LHFPL3: variants seen among roughly 807,000 people sequenced by gnomAD.
LHFPL3 encodes LHFPL tetraspan subfamily member 3 protein.
A neutral mutation model predicts 19.3 loss-of-function variants in LHFPL3; 5 were observed. The ratio of observed to expected loss-of-function variants is 0.26; its 90% CI spans 0.14 to 0.54. The LOEUF is 0.54. LHFPL3 is among the 20% of genes least tolerant of loss of function. The pLI is 0.94. For synonymous variants in LHFPL3, 133 were observed against 126.2 expected (o/e 1.05, Z -0.36); for missense variants, 249 against 307.4 (o/e 0.81, Z 1.42).
In LHFPL3 at chr7:104,489,169, A is replaced by G. The variant is rs1441994198; in HGVS notation, c.445+159945A>G. 5.2e-4 allele frequency among the ~76,000 whole-genome samples: 15 copies of G among 29,052 alleles called. 3 individuals carry two copies. Among genetic ancestry groups the G allele is most frequent in the South Asian group, 7.3e-4 (1 of 1,364 alleles). 19.1% of individuals were successfully genotyped at this position (29,052 alleles called of 152,430 possible). A position where few individuals can be genotyped will look rare whatever the true frequency, so the allele number is the denominator to read the frequency against. ...GGGATCTCGGCTCATTGCAAGCTCC[A>G]CCTCCCGGGTTCACGCCATTCTCCT... On this transcript the variant is annotated intron_variant, in intron 1 of 2. Transcript: ENST00000424859.
intron 2 of LHFPL3, among the ~76,000 whole-genome samples, chr7:104,830,644 G>C (rs927413576): frequency 4.6e-5 from 7 of 152,022 alleles, no homozygotes; most frequent in Non-Finnish European, 7.4e-5. Context: ...GATGGTTGTA[G>C]ACAAGTGGCA....
rs139261342 is a variant in LHFPL3 at position 104,410,666 on chromosome 7, A to G, written c.445+81442A>G. On this transcript the variant is annotated intron_variant, in intron 1 of 2. Coordinates refer to ENST00000424859, the MANE Select transcript of LHFPL3 (RefSeq NM_199000.3). ...GCACATTAAAGATTCAAACAACATC[A>G]TGCAAAAGACATAAATAGTGCATTA... Among the ~76,000 whole-genome samples the G allele has an allele frequency of 2.0e-3, 300 of 152,034 alleles. 1 individual carries two copies. Among genetic ancestry groups the G allele is most frequent in the Non-Finnish European group, 2.9e-3 (200 of 68,036 alleles).
chr7:104,900,419 C>G (rs1792459739), intron 2 of LHFPL3, among the ~76,000 whole-genome samples: 1 of 152,212 alleles, frequency 6.6e-6, no homozygotes, highest in Admixed American at 6.5e-5. Flanking sequence ...GTGTCAAAGT[C>G]TCATTGTCCA....
At chr7:104,496,784 C>T (rs1793491589) in intron 1 of LHFPL3, among the ~76,000 whole-genome samples, 1 of 152,178 alleles carries the variant, frequency 6.6e-6, no homozygotes, top group Non-Finnish European at 1.5e-5. Flanking sequence ...TGTATCTCAT[C>T]ATCACTACCA....
At chr7:104,511,647 C>T (rs1004215853) in intron 1 of LHFPL3, among the ~76,000 whole-genome samples, 1 of 152,054 alleles carries the variant, frequency 6.6e-6, no homozygotes, top group African/African-American at 2.4e-5. Flanking sequence ...TTTGAAGGAG[C>T]AAATTGTTGA....
intron 1 of LHFPL3, among the ~76,000 whole-genome samples, chr7:104,595,498 A>T (rs912185118): frequency 6.6e-6 from 1 of 152,158 alleles, no homozygotes; most frequent in South Asian, 2.1e-4. Context: ...CATGTCTCCC[A>T]ATTAGGCTAT....
intron 1 of LHFPL3, among the ~76,000 whole-genome samples, chr7:104,465,109 C>T (rs576888821): frequency 6.6e-6 from 1 of 151,498 alleles, no homozygotes; most frequent in African/African-American, 2.4e-5. Flanking sequence ...TTTTGCATAG[C>T]AAGAATGACC....
At chr7:104,672,333 T>C (rs952837855) in intron 1 of LHFPL3, among the ~76,000 whole-genome samples, 1 of 152,204 alleles carries the variant, frequency 6.6e-6, no homozygotes, top group Non-Finnish European at 1.5e-5. Context: ...CACCTGGTTT[T>C]ATAGTCTTTC....
intron 2 of LHFPL3, among the ~76,000 whole-genome samples, chr7:104,742,376 G>A (rs1048664823): frequency 6.6e-6 from 1 of 152,174 alleles, no homozygotes; most frequent in African/African-American, 2.4e-5. Flanking sequence ...CCATCAAGAG[G>A]TGACTCCAGC....
At chr7:104,865,895 G>A (rs1258786229) in intron 2 of LHFPL3, among the ~76,000 whole-genome samples, 1 of 152,164 alleles carries the variant, frequency 6.6e-6, no homozygotes, top group Non-Finnish European at 1.5e-5. Flanking sequence ...AACTCTACAA[G>A]CCAGAAGAGA....
chr7:104,898,545 C>G (rs955327341), intron 2 of LHFPL3, among the ~76,000 whole-genome samples: 1 of 152,176 alleles, frequency 6.6e-6, no homozygotes, highest in Non-Finnish European at 1.5e-5. Context: ...AGGCACCTCC[C>G]AAAGTTAGGC....
intron 2 of LHFPL3, among the ~76,000 whole-genome samples, chr7:104,762,128 C>T (rs894631749): frequency 1.3e-5 from 2 of 152,066 alleles, no homozygotes; most frequent in East Asian, 1.9e-4. Context: ...GACTCTGTTT[C>T]GTGTCTAAAA....
At chr7:104,461,824 C>T (rs1792670197) in intron 1 of LHFPL3, among the ~76,000 whole-genome samples, 1 of 152,122 alleles carries the variant, frequency 6.6e-6, no homozygotes, top group African/African-American at 2.4e-5. Context: ...AGCACTGAAT[C>T]TCTAAATTGC....
intron 2 of LHFPL3, among the ~76,000 whole-genome samples, chr7:104,823,902 T>G (rs752505299): frequency 5.9e-5 from 9 of 151,774 alleles, no homozygotes; most frequent in Non-Finnish European, 1.2e-4. Context: ...TCCCAGCACT[T>G]TGGGAGGCCA....
chr7:104,706,068 G>A (rs1478919859), intron 1 of LHFPL3, among the ~76,000 whole-genome samples: 2 of 152,184 alleles, frequency 1.3e-5, no homozygotes. Context: ...GTTACCAGAG[G>A]AGGAATGTGA....
chr7:104,726,055 CAAAAAA>C (rs56697785), intron 1 of LHFPL3, among the ~76,000 whole-genome samples: 7 of 75,088 alleles, frequency 9.3e-5, no homozygotes, highest in African/African-American at 3.2e-4. Flanking sequence ...CCATCTCAGG[CAAAAAA>C]AAAAAAAAAA....
chr7:104,725,932 A>G (rs547318591), intron 1 of LHFPL3, among the ~76,000 whole-genome samples: 42 of 151,930 alleles, frequency 2.8e-4, no homozygotes, highest in African/African-American at 9.9e-4. Flanking sequence ...TGTGCCTGTA[A>G]TCCCAGCTAC....
At chr7:104,469,485 T>C (rs1367315396) in intron 1 of LHFPL3, among the ~76,000 whole-genome samples, 6 of 152,204 alleles carry the variant, frequency 3.9e-5, no homozygotes, top group Non-Finnish European at 7.3e-5. Flanking sequence ...CTAAAATAAA[T>C]AGACTAAACT....
intron 1 of LHFPL3, among the ~76,000 whole-genome samples, chr7:104,478,395 G>A (rs1793067954): frequency 6.6e-6 from 1 of 152,074 alleles, no homozygotes; most frequent in Admixed American, 6.6e-5. Flanking sequence ...GGCTCTTGGG[G>A]GTAGTTTTGA....
Sources: gnomAD v4.1 joint callset for allele counts (sites outside exome capture counted in the v4.1 genomes callset) on GRCh38, gnomAD v4.1.1 for gene constraint, MANE v1.5 for transcripts, NCBI Gene and HGNC (gene_info 2026-07-23, HGNC 2026-07-21) for gene names.